Variants in MTMR11 observed in about 807,000 individuals in gnomAD.
MTMR11 encodes myotubularin-related protein 11.
A neutral mutation model predicts 100.0 loss-of-function variants in MTMR11; 89 were observed. The ratio of observed to expected loss-of-function variants is 0.89; its 90% CI spans 0.75 to 1.06. MTMR11 has a LOEUF of 1.06. MTMR11 is among the 50% of genes least tolerant of loss of function. The probability of loss-of-function intolerance (pLI) is 0.00; values close to 1 mark genes in which losing one functional copy is unlikely to be tolerated. For missense variants in MTMR11, 809 were observed against 873.7 expected (o/e 0.93, Z 0.93); for synonymous variants, 336 against 326.3 (o/e 1.03, Z -0.32).
chr1:149,929,185 TG>T lies in MTMR11; in HGVS notation c.2073del (p.Asn692IlefsTer51), dbSNP rs782134978. ...AGAATGCCAGCAATTTCAGTGGGATTGAGAATGGTATGTGGATCTCTTTTCT... is the reference window on the plus strand; with the variant it reads ...AGAATGCCAGCAATTTCAGTGGGATTAGAATGGTATGTGGATCTCTTTTCT... ...HSKKRDPHTI[L>X]NPTEIAGILK... On this transcript the variant is annotated frameshift_variant, in exon 17 of 17. Transcript: ENST00000439741. LOFTEE classifies it high-confidence loss of function. The T allele has an allele frequency of 6.2e-7, 1 of 1,613,942 alleles. No homozygotes were observed. Among genetic ancestry groups the T allele is most frequent in the East Asian group, 2.2e-5 (1 of 44,880 alleles).
Position 149,929,269 on chromosome 1 carries a change from G to A in MTMR11, c.1990C>T (p.His664Tyr), listed in dbSNP as rs975689054. Residue 664 changes from histidine (H) to tyrosine (Y), a missense_variant, in exon 17 of 17, where the codon CAT becomes TAT. His to Tyr is a moderately conservative substitution (Grantham distance 83, BLOSUM62 2). Coordinates refer to ENST00000439741, the MANE Select transcript of MTMR11 (RefSeq NM_001145862.2). ...TISGLQDELSHLQELLRKWTP... is the reference protein window; with the variant it reads ...TISGLQDELSYLQELLRKWTP... ...CATTTCCGTAATAACTCCTGAAGATGGGATAGCTCATCCTGGAGGCCAGAG... is the reference window on the plus strand; with the variant it reads ...CATTTCCGTAATAACTCCTGAAGATAGGATAGCTCATCCTGGAGGCCAGAG... 3.1e-6 allele frequency: 5 copies of A among 1,614,158 alleles called. No individual in the cohort carries two copies. Among genetic ancestry groups the A allele is most frequent in the Non-Finnish European group, 4.2e-6 (5 of 1,180,030 alleles).
At position 149,930,505 on chromosome 1, in the gene MTMR11, G is replaced by T; in HGVS notation, c.1507C>A (p.Pro503Thr). 6.2e-7 allele frequency: 1 copy of T among 1,614,050 alleles called. No homozygotes were observed. The highest frequency in any genetic ancestry group is 8.5e-7 in the Non-Finnish European group (1 of 1,179,984). ...TQVYTPGYSQPPAGNSFNLQL... is the reference protein window; with the variant it reads ...TQVYTPGYSQTPAGNSFNLQL... ...AGGTTAAAAGAGTTCCCAGCTGGAG[G>T]CTGGGAGTATCCTGGGGTGTAGACT... Residue 503 changes from proline to threonine, a missense_variant, in exon 15 of 17, where the codon CCT becomes ACT. By Grantham distance (38) the Pro-to-Thr change is conservative. Transcript: ENST00000439741.
At position 149,929,872 on chromosome 1, in the gene MTMR11, GA is replaced by G; in HGVS notation, c.1691del (p.Phe564SerfsTer6). ...TCAGGGGGGTCAATGCTCCTCTAGA[GA>G]AGAGCCACACAGAACTGGGGGGTCC... Reference protein sequence around the residue: ...VPGPPSSVWLFSRGALTPLNQ... With the variant: ...VPGPPSSVWLXSRGALTPLNQ... On this transcript the variant is annotated frameshift_variant, in exon 16 of 17. Transcript: ENST00000439741. LOFTEE classifies it high-confidence loss of function. The G allele has an allele frequency of 6.2e-7, 1 of 1,614,176 alleles. No individual in the cohort carries two copies. Among genetic ancestry groups the G allele is most frequent in the Non-Finnish European group, 8.5e-7 (1 of 1,180,022 alleles).
At chr1:149,931,672 C>T (rs1416452137) in intron 12 of MTMR11, 3 of 580,436 alleles carry the variant, frequency 5.2e-6, no homozygotes, top group South Asian at 2.2e-5. Context: ...AATTCTCAAA[C>T]CAGCTTCCAC....
At chr1:149,935,491 A>G in intron 3 of MTMR11, 93 bp downstream of exon 3, 3 of 1,578,720 alleles carry the variant, frequency 1.9e-6, no homozygotes, top group Non-Finnish European at 1.7e-6. Context: ...CATTCAAAAG[A>G]CAGCCCTTAA....
intron 11 of MTMR11, 113 bp downstream of exon 11, chr1:149,932,151 C>A: frequency 1.4e-6 from 2 of 1,409,502 alleles, no homozygotes; most frequent in South Asian, 1.2e-5. Flanking sequence ...AAATGGCAGT[C>A]TTCTTGGGAA....
At chr1:149,935,388 T>C (rs1427392589) in intron 3 of MTMR11, 29 bp from the exon 4 acceptor site, 2 of 1,611,428 alleles carry the variant, frequency 1.2e-6, no homozygotes, top group East Asian at 2.2e-5. Flanking sequence ...TGGGTAGACA[T>C]CTGAAATCGC....
At chr1:149,935,242 AGGAG>A (rs2092707438) in intron 4 of MTMR11, 53 bp downstream of exon 4, 14 of 1,606,610 alleles carry the variant, frequency 8.7e-6, no homozygotes, top group Non-Finnish European at 1.1e-5. Flanking sequence ...AGGAAGGATG[AGGAG>A]GGAGTTCCAA....
At position 149,934,439 on chromosome 1, in the gene MTMR11, C is replaced by G. The variant is rs1553768544; in HGVS notation, c.547+9G>C. ...AGACTCTTCCTTACCCTAAAGCACTCTCACTCACCAGCCTTGCTCAGGGTT... is the reference window on the plus strand; with the variant it reads ...AGACTCTTCCTTACCCTAAAGCACTGTCACTCACCAGCCTTGCTCAGGGTT... On this transcript the variant is annotated intron_variant, in intron 6 of 16. Transcript: ENST00000439741. 2 of 1,614,164 alleles carry G rather than the reference C, an allele frequency of 1.2e-6. No homozygotes were observed. The highest frequency in any genetic ancestry group is 2.2e-5 in the East Asian group (1 of 44,890).
At position 149,930,822 on chromosome 1, in the gene MTMR11, G is replaced by T. The variant is rs782377138; in HGVS notation, c.1434C>A (p.Thr478=). ...VPDTLTFLRN[T]PWERGKQSGQ... ...CGCTCTGCTTTCCGCGCTCCCAGGGGGTATTTCTCAGGAAGGTAAGGGTGT... is the reference window on the plus strand; with the variant it reads ...CGCTCTGCTTTCCGCGCTCCCAGGGTGTATTTCTCAGGAAGGTAAGGGTGT... Residue 478 remains threonine (T), a synonymous_variant, in exon 14 of 17, where the codon ACC becomes ACA. Transcript: ENST00000439741. 29 of 1,595,106 alleles carry T rather than the reference G, an allele frequency of 1.8e-5. No homozygotes were observed. The highest frequency in any genetic ancestry group is 6.8e-5 in the South Asian group (6 of 87,766).
At chr1:149,935,161 T>C (rs1020986073) in intron 4 of MTMR11, 33 bp from the exon 5 acceptor site, 2 of 1,613,064 alleles carry the variant, frequency 1.2e-6, no homozygotes, top group East Asian at 2.2e-5. Flanking sequence ...AGTGTAACCA[T>C]GGACCAGAGT....
chr1:149,930,154 G>T, intron 15 of MTMR11: 1 of 680,210 alleles, frequency 1.5e-6, no homozygotes. Flanking sequence ...TGAGTAAACA[G>T]ACTTGAGGAA....
In MTMR11 at chr1:149,933,935, G is replaced by C. The variant is rs782730524; in HGVS notation, c.691C>G (p.Arg231Gly). 1.2e-6 allele frequency: 2 copies of C among 1,613,750 alleles called. No homozygotes were observed. The highest frequency in any genetic ancestry group is 2.2e-5 in the South Asian group (2 of 91,078). Residue 231 changes from arginine to glycine, a missense_variant, in exon 8 of 17, where the codon CGT (arginine) becomes GGT (glycine). Physicochemically the swap from Arg to Gly is moderately radical, Grantham distance 125. Transcript: ENST00000439741. ...ERFDVATSLP[R>G]YFWVPNRILD... is the part of the protein sequence containing the mutation. Reference sequence around the variant, plus strand: ...ATTCGGTTAGGGACCCAGAAGTAACGGGGGAGGCTGTGAAATGAGAGTGAT... The same window carrying C: ...ATTCGGTTAGGGACCCAGAAGTAACCGGGGAGGCTGTGAAATGAGAGTGAT...
intron 10 of MTMR11, among the ~76,000 whole-genome samples, chr1:149,932,600 A>G (rs1370637239): frequency 2.6e-5 from 4 of 152,198 alleles, no homozygotes; most frequent in African/African-American, 9.6e-5. Context: ...TCAAGAAGAC[A>G]GGAAACCAGT....
chr1:149,930,332 G>A (rs377028803), intron 15 of MTMR11, 33 bp downstream of exon 15: 22 of 1,586,758 alleles, frequency 1.4e-5, no homozygotes, highest in African/African-American at 6.8e-5. Context: ...CTGTGGGAAC[G>A]TCAAGGGAAT....
In MTMR11 at chr1:149,928,741, C is replaced by T. The variant is rs1553766577; in HGVS notation, c.*388G>A. ...GATAGGGTGTTTCCTGTATCCGCCT[C>T]ATTCCCATAGAAAACTATAAGGGAA... On this transcript the variant is annotated 3_prime_UTR_variant, in exon 17 of 17. Coordinates refer to ENST00000439741, the MANE Select transcript of MTMR11 (RefSeq NM_001145862.2). 3.2e-6 allele frequency: 3 copies of T among 933,398 alleles called. No homozygotes were observed. Among genetic ancestry groups the T allele is most frequent in the Non-Finnish European group, 5.1e-6 (3 of 589,060 alleles). The allele number at this position is 933,398 out of a possible 1,614,324, so 57.8% of individuals were successfully genotyped here.
chr1:149,935,571 C>G lies in MTMR11; in HGVS notation c.264+13G>C. On this transcript the variant is annotated intron_variant, in intron 3 of 16. Transcript: ENST00000439741. The stretch of plus-strand genomic sequence containing the variant: ...CCCACTAGCTGTCATTTCTGTGGCC[C>G]CAACCATCTCACCTGATTCCACTGC... 1 of 1,612,424 alleles carries G rather than the reference C, an allele frequency of 6.2e-7. No homozygotes were observed. The highest frequency in any genetic ancestry group is 1.7e-5 in the Admixed American group (1 of 59,980).
chr1:149,932,139 G>A, intron 11 of MTMR11, 125 bp from the exon 12 acceptor site: 1 of 1,385,706 alleles, frequency 7.2e-7, no homozygotes, highest in Non-Finnish European at 1.0e-6. Flanking sequence ...CTAAAGAGCA[G>A]AAAATGGCAG....
At chr1:149,930,191 T>C (rs2092640210) in intron 15 of MTMR11, 174 bp downstream of exon 15, 2 of 732,466 alleles carry the variant, frequency 2.7e-6, no homozygotes, top group South Asian at 1.9e-5. Flanking sequence ...CTCTGTGCTA[T>C]TCTAGGTCTT....
Sources: allele counts gnomAD v4.1 joint callset (sites outside exome capture counted in the v4.1 genomes callset), GRCh38; gene constraint gnomAD v4.1.1; transcripts MANE v1.5; gene names NCBI Gene and HGNC (gene_info 2026-07-23, HGNC 2026-07-21).